The following MDGA2 variants were observed in gnomAD, a reference collection of about 807,000 sequenced individuals.
MDGA2 encodes the protein MAM domain-containing glycosylphosphatidylinositol anchor protein 2.
Under a neutral mutation model 117.8 loss-of-function variants are expected in MDGA2, and 40 were observed. That is an observed-to-expected ratio of 0.34 (90% CI 0.26 to 0.44). The LOEUF is 0.44. Among genes scored for constraint, MDGA2 ranks in the 20% least tolerant of loss-of-function variants. The pLI is 1.00. For synonymous variants in MDGA2, 452 were observed against 439.0 expected, an observed-to-expected ratio of 1.03 and a Z score of -0.37; for missense variants, 1,123 against 1,250.6, an observed-to-expected ratio of 0.90 and a Z score of 1.54.
At chr14:47,294,329 T>C (rs1467873374) in intron 2 of MDGA2, among the ~76,000 whole-genome samples, 1 of 151,954 alleles carries the variant, frequency 6.6e-6, no homozygotes, top group East Asian at 1.9e-4. Context: ...ACTCCTGAGC[T>C]CAAGCAATCT....
At chr14:47,411,424 A>G (rs1892370124) in intron 1 of MDGA2, among the ~76,000 whole-genome samples, 1 of 152,160 alleles carries the variant, frequency 6.6e-6, no homozygotes, top group Non-Finnish European at 1.5e-5. Flanking sequence ...CCTAGAACTA[A>G]GGCCATTTAT....
intron 3 of MDGA2, among the ~76,000 whole-genome samples, chr14:47,155,684 A>T (rs1883339870): frequency 6.6e-6 from 1 of 151,878 alleles, no homozygotes; most frequent in Admixed American, 6.6e-5. Flanking sequence ...CACCCTTGAC[A>T]GGTGTGAGAT....
chr14:47,247,216 CGAA>C (rs1887270899), intron 2 of MDGA2, among the ~76,000 whole-genome samples: 1 of 151,338 alleles, frequency 6.6e-6, no homozygotes, highest in African/African-American at 2.4e-5. Context: ...AGTATTTAAA[CGAA>C]GGAGTCAACT....
At chr14:47,515,227 G>A (rs1894726147) in intron 1 of MDGA2, among the ~76,000 whole-genome samples, 1 of 152,108 alleles carries the variant, frequency 6.6e-6, no homozygotes, top group Non-Finnish European at 1.5e-5. Context: ...CTGGCTAGTT[G>A]ATTATAAAGA....
At chr14:47,153,155 C>T (rs1293978490) in intron 3 of MDGA2, among the ~76,000 whole-genome samples, 1 of 152,146 alleles carries the variant, frequency 6.6e-6, no homozygotes, top group East Asian at 1.9e-4. Context: ...CAGGCTTTCG[C>T]TTTAGAAAGA....
intron 1 of MDGA2, among the ~76,000 whole-genome samples, chr14:47,345,043 A>T (rs1353883029): frequency 6.6e-6 from 1 of 152,180 alleles, no homozygotes; most frequent in African/African-American, 2.4e-5. Flanking sequence ...ATGAAAATGA[A>T]AAATAAATGT....
intron 5 of MDGA2, among the ~76,000 whole-genome samples, chr14:47,112,988 A>C (rs1343428510): frequency 6.6e-6 from 1 of 152,058 alleles, no homozygotes; most frequent in East Asian, 1.9e-4. Context: ...TTTCTCTAGT[A>C]ATCAGTGATG....
At chr14:47,109,808 T>C (rs1416197808) in intron 5 of MDGA2, among the ~76,000 whole-genome samples, 1 of 152,044 alleles carries the variant, frequency 6.6e-6, no homozygotes, top group Non-Finnish European at 1.5e-5. Context: ...TAGCCAGGTG[T>C]GGTGGCACAG....
intron 5 of MDGA2, among the ~76,000 whole-genome samples, chr14:47,118,331 T>C (rs17118078): frequency 6.6e-6 from 1 of 152,264 alleles, no homozygotes; most frequent in South Asian, 2.1e-4. Context: ...ATAGAAGAAC[T>C]AAATAGGTTA....
chr14:47,369,816 A>G (rs1191102471), intron 1 of MDGA2, among the ~76,000 whole-genome samples: 8 of 152,078 alleles, frequency 5.3e-5, no homozygotes, highest in Non-Finnish European at 1.0e-4. Context: ...AGCTAATTTT[A>G]TATTAAGAAT....
chr14:47,610,914 C>T (rs1896836148), intron 1 of MDGA2, among the ~76,000 whole-genome samples: 1 of 151,906 alleles, frequency 6.6e-6, no homozygotes, highest in Non-Finnish European at 1.5e-5. Context: ...CAAGACAAAG[C>T]AAAAAGGACA....
intron 1 of MDGA2, among the ~76,000 whole-genome samples, chr14:47,641,628 A>ATAAG (rs1444011597): frequency 4.6e-5 from 7 of 152,134 alleles, no homozygotes; most frequent in Non-Finnish European, 1.0e-4. Flanking sequence ...AGAAAGATTG[A>ATAAG]TAAGTAGTGG....
chr14:47,213,265 C>T (rs1400814579), intron 3 of MDGA2, among the ~76,000 whole-genome samples: 1 of 152,122 alleles, frequency 6.6e-6, no homozygotes, highest in Non-Finnish European at 1.5e-5. Context: ...TACTCAGTTG[C>T]CTTCTAGCCC....
chr14:47,050,209 T>TAA (rs1889408320), intron 7 of MDGA2, among the ~76,000 whole-genome samples: 1 of 152,022 alleles, frequency 6.6e-6, no homozygotes, highest in Non-Finnish European at 1.5e-5. Context: ...CACTACTTAG[T>TAA]AACTGTGGTG....
chr14:47,450,692 T>C (rs993362129), intron 1 of MDGA2, among the ~76,000 whole-genome samples: 1 of 152,082 alleles, frequency 6.6e-6, no homozygotes, highest in African/African-American at 2.4e-5. Flanking sequence ...ATAGCCTTTA[T>C]AATAACGGGG....
intron 1 of MDGA2, among the ~76,000 whole-genome samples, chr14:47,531,952 C>T (rs562592111): frequency 1.9e-3 from 283 of 152,222 alleles, no homozygotes; most frequent in Middle Eastern, 3.4e-3. Flanking sequence ...CATATTACTA[C>T]GATCAAAGCA....
chr14:47,337,308 G>GC (rs1566744554), intron 1 of MDGA2, among the ~76,000 whole-genome samples: 1 of 152,066 alleles, frequency 6.6e-6, no homozygotes, highest in Non-Finnish European at 1.5e-5. Flanking sequence ...CAGCACAGCT[G>GC]CAAGAGGTGA....
At chr14:47,570,490 G>T (rs1895998989) in intron 1 of MDGA2, among the ~76,000 whole-genome samples, 1 of 152,112 alleles carries the variant, frequency 6.6e-6, no homozygotes, top group Non-Finnish European at 1.5e-5. Flanking sequence ...GTTGTTAGAA[G>T]ATTAAATGAT....
At chr14:47,213,952 G>A (rs1225518274) in intron 3 of MDGA2, among the ~76,000 whole-genome samples, 7 of 152,084 alleles carry the variant, frequency 4.6e-5, no homozygotes, top group African/African-American at 9.7e-5. Flanking sequence ...GCACAGAATG[G>A]AAAGAGTACC....
Sources: allele counts gnomAD v4.1 joint callset (sites outside exome capture counted in the v4.1 genomes callset), GRCh38; gene constraint gnomAD v4.1.1; transcripts MANE v1.5; gene names NCBI Gene and HGNC (gene_info 2026-07-23, HGNC 2026-07-21).